ALMS1: variants seen among roughly 807,000 people sequenced by gnomAD.
The protein encoded by ALMS1 is centrosome-associated protein ALMS1.
In ALMS1, 271 loss-of-function variants were observed where a neutral mutation model predicts 352.2. The observed-to-expected ratio is 0.77, with a 90% CI of 0.70 to 0.85. The LOEUF is 0.85. ALMS1 is among the 40% of genes least tolerant of loss of function. ALMS1 has a pLI of 0.00. For missense variants in ALMS1, 5,445 were observed against 4,870.7 expected (o/e 1.12, Z -3.51); for synonymous variants, 1,865 against 1,761.2 (o/e 1.06, Z -1.48).
rs572177824 is a variant in ALMS1 at position 73,433,639 on chromosome 2, A to T, written c.1432+1348A>T. On this transcript the variant is annotated intron_variant, in intron 7 of 22. Transcript: ENST00000613296. ...GTCAGGTACAGTGTCTTATGCTTGT[A>T]ATCTCAGTACTTTGGGAGGCTGAGG... 3.3e-5 allele frequency among the ~76,000 whole-genome samples: 5 copies of T among 152,240 alleles called. No individual in the cohort carries two copies. In the South Asian group the frequency reaches 1.0e-3, roughly 32 times the overall value.
chr2:73,402,873 A>G (rs1670899847), intron 1 of ALMS1, among the ~76,000 whole-genome samples: 1 of 151,908 alleles, frequency 6.6e-6, no homozygotes, highest in Non-Finnish European at 1.5e-5. Context: ...CCCATTCTAA[A>G]ATTAGGTTGT....
At chr2:73,577,467 A>T (rs191032763) in intron 16 of ALMS1, among the ~76,000 whole-genome samples, 50 of 149,180 alleles carry the variant, frequency 3.4e-4, no homozygotes, top group African/African-American at 1.1e-3. Flanking sequence ...TGGATTTAGT[A>T]TGTTTTTTTT....
intron 2 of ALMS1, 150 bp downstream of exon 2, chr2:73,408,897 G>A: frequency 1.5e-6 from 1 of 674,202 alleles, no homozygotes; most frequent in Non-Finnish European, 2.1e-6. Context: ...TTTTAAGACA[G>A]GGTCTCACTC....
chr2:73,428,590 A>G lies in ALMS1; in HGVS notation c.1338+2037A>G, dbSNP rs1383451116. On this transcript the variant is annotated intron_variant, in intron 6 of 22. Transcript: ENST00000613296. ...AAATGTATTTTAAAAATAAAGATAT[A>G]TAGGTTCAGTTAATGTGCAGAGACT... is the stretch of plus-strand genomic sequence containing the variant. Among the ~76,000 whole-genome samples, 3 of 152,354 alleles carry G rather than the reference A, an allele frequency of 2.0e-5. No individual in the cohort carries two copies. The South Asian group carries it at 6.2e-4, about 32-fold the overall frequency.
At position 73,599,407 on chromosome 2, in the gene ALMS1, A is replaced by T. The variant is rs753182165; in HGVS notation, c.11554A>T (p.Asn3852Tyr). ...ATCTCTTTTATTTTTCTAGGTAGCA[A>T]ACCATGTGATTTCTTCTGACTCTAT... ...HTRRRHIQVANHVISSDSISS... is the reference protein window; with the variant it reads ...HTRRRHIQVAYHVISSDSISS... The change falls in exon 17 of 23, where the codon AAC becomes TAC. Residue 3852 changes from asparagine (N) to tyrosine (Y), a missense_variant. Asn to Tyr is a moderately radical substitution (Grantham distance 143, BLOSUM62 -2). Coordinates refer to ENST00000613296, the MANE Select transcript of ALMS1 (RefSeq NM_001378454.1). 12 of 1,612,966 alleles carry T rather than the reference A, an allele frequency of 7.4e-6. No homozygotes were observed. The East Asian group carries it at 2.5e-4, about 33-fold the overall frequency.
rs780333829 is a variant in ALMS1, at chr2:73,452,593, A to G, written c.6066A>G (p.Ile2022Met). The G allele has an allele frequency of 4.3e-6, 7 of 1,614,126 alleles. No individual in the cohort carries two copies. The highest frequency in any genetic ancestry group is 1.1e-5 in the South Asian group (1 of 91,086). ...CTACCCTTAGTTCCTACTCACAAAT[A>G]GAGAAGCCCAAGATTTCAACTGTGA... ...PAATLSSYSQ[I>M]EKPKISTVIG... Residue 2022 changes from isoleucine to methionine, a missense_variant, in exon 8 of 23, where the codon ATA (isoleucine) becomes ATG (methionine). Physicochemically the swap from Ile to Met is conservative, Grantham distance 10. Transcript: ENST00000613296.
intron 7 of ALMS1, among the ~76,000 whole-genome samples, chr2:73,438,875 C>G (rs1429762980): frequency 1.3e-5 from 2 of 152,092 alleles, no homozygotes; most frequent in Non-Finnish European, 2.9e-5. Flanking sequence ...GCTTTGTCTT[C>G]TTGGTGGATT....
chr2:73,548,236 A>T (rs1489966183), intron 12 of ALMS1, among the ~76,000 whole-genome samples: 2 of 152,206 alleles, frequency 1.3e-5, no homozygotes, highest in Non-Finnish European at 2.9e-5. Flanking sequence ...TACTTTTATG[A>T]AAACATACAG....
intron 15 of ALMS1, among the ~76,000 whole-genome samples, chr2:73,569,426 G>A (rs1674873729): frequency 6.6e-6 from 1 of 152,046 alleles, no homozygotes; most frequent in Non-Finnish European, 1.5e-5. Context: ...TTAGAGCAAT[G>A]TTATCTATTT....
chr2:73,504,074 T>C (rs1440042166), intron 10 of ALMS1, among the ~76,000 whole-genome samples: 3 of 152,162 alleles, frequency 2.0e-5, no homozygotes, highest in African/African-American at 4.8e-5. Flanking sequence ...AAAATACATA[T>C]AGACTCACAA....
intron 9 of ALMS1, among the ~76,000 whole-genome samples, chr2:73,476,754 A>G (rs1558661262): frequency 2.0e-5 from 3 of 151,862 alleles, no homozygotes; most frequent in South Asian, 4.2e-4. Flanking sequence ...CTATCTTTGA[A>G]TCAGGTTTTG....
intron 9 of ALMS1, among the ~76,000 whole-genome samples, chr2:73,459,691 T>C (rs1488075448): frequency 1.3e-5 from 2 of 152,322 alleles, no homozygotes; most frequent in East Asian, 3.9e-4. Flanking sequence ...TGTGTTCTTA[T>C]GATCCCATCA....
chr2:73,466,424 A>G (rs953949319), intron 9 of ALMS1, among the ~76,000 whole-genome samples: 3 of 146,308 alleles, frequency 2.1e-5, no homozygotes, highest in African/African-American at 5.1e-5. Flanking sequence ...CATAGGTGGG[A>G]ATTGAACAAT....
chr2:73,461,105 C>T (rs1017646316), intron 9 of ALMS1, among the ~76,000 whole-genome samples: 15 of 152,224 alleles, frequency 9.9e-5, no homozygotes, highest in Admixed American at 2.6e-4. Context: ...TCTCCCAGCA[C>T]GCAGCTGGAG....
In ALMS1 at chr2:73,447,959, G is replaced by A. The variant is rs750049136; in HGVS notation, c.1433-1G>A. Reference sequence around the variant, plus strand: ...CTATTAACAAATCTCTTTTTCTTTAGGAGACACTTCTAAAGGAGGCATAGC... The same window carrying A: ...CTATTAACAAATCTCTTTTTCTTTAAGAGACACTTCTAAAGGAGGCATAGC... On this transcript the variant is annotated splice_acceptor_variant, in intron 7 of 22. Transcript: ENST00000613296. LOFTEE classifies it high-confidence loss of function. 1 of 1,604,732 alleles carries A rather than the reference G, an allele frequency of 6.2e-7. No homozygotes were observed. The highest frequency in any genetic ancestry group is 8.5e-7 in the Non-Finnish European group (1 of 1,175,526).
At chr2:73,525,716 T>G (rs1673777501) in intron 11 of ALMS1, among the ~76,000 whole-genome samples, 1 of 152,102 alleles carries the variant, frequency 6.6e-6, no homozygotes, top group Non-Finnish European at 1.5e-5. Flanking sequence ...AAATGTTTCC[T>G]CCTATTCGGT....
At chr2:73,428,158 G>A (rs530332511) in intron 6 of ALMS1, among the ~76,000 whole-genome samples, 1 of 152,208 alleles carries the variant, frequency 6.6e-6, no homozygotes, top group Admixed American at 6.5e-5. Context: ...TTGTGCTCAA[G>A]TACTGTGCTA....
Position 73,572,454 on chromosome 2 carries a change from TG to T in ALMS1, c.10578del (p.Met3526IlefsTer20), listed in dbSNP as rs2104104304. On this transcript the variant is annotated frameshift_variant, in exon 16 of 23. Transcript: ENST00000613296. LOFTEE classifies it high-confidence loss of function. ...CATCCAGACAAACATAGAGAACACA[TG>T]TGTCTTCCTCTTCCTTATCAAAACA... ...QHHPDKHREH[M>X]CLPLPYQNMD... The T allele has an allele frequency of 6.2e-7, 1 of 1,613,942 alleles. No individual in the cohort carries two copies. The highest frequency in any genetic ancestry group is 8.5e-7 in the Non-Finnish European group (1 of 1,179,964).
intron 9 of ALMS1, among the ~76,000 whole-genome samples, chr2:73,460,801 T>TGGCTCGGAGGGTCCTACGCCCAC (rs1672177679): frequency 2.0e-5 from 3 of 152,230 alleles, no homozygotes; most frequent in South Asian, 2.1e-4. Context: ...ATCCCGCACA[T>TGGCTCGGAGGGTCCTACGCCCAC]GGCTCGGAGG....
Sources: allele counts gnomAD v4.1 joint callset (sites outside exome capture counted in the v4.1 genomes callset), GRCh38; gene constraint gnomAD v4.1.1; transcripts MANE v1.5; gene names NCBI Gene and HGNC (gene_info 2026-07-23, HGNC 2026-07-21).